Variants in COL5A1 observed in about 807,000 individuals in gnomAD.
COL5A1 encodes the protein collagen alpha-1(V) chain.
Under a neutral mutation model 263.7 loss-of-function variants are expected in COL5A1, and 16 were observed. That is an observed-to-expected ratio of 0.06 (90% CI 0.04 to 0.09). The LOEUF (loss-of-function observed/expected upper bound fraction) is 0.09, where lower values mean the gene tolerates loss of function less well. Among genes scored for constraint, COL5A1 ranks in the 10% least tolerant of loss-of-function variants. The pLI is 1.00. For synonymous variants in COL5A1, 1,012 were observed against 1,004.5 expected (o/e 1.01, Z -0.14); for missense variants, 2,036 against 2,540.5 (o/e 0.80, Z 4.27).
chr9:134,764,211 G>T (rs1366900287), intron 20 of COL5A1, among the ~76,000 whole-genome samples: 1 of 139,286 alleles, frequency 7.2e-6, no homozygotes, highest in Non-Finnish European at 1.6e-5. Flanking sequence ...TGAGAGCATT[G>T]TAGGGGGTCT....
chr9:134,703,856 G>T (rs540724710), intron 4 of COL5A1, among the ~76,000 whole-genome samples: 98 of 151,982 alleles, frequency 6.4e-4, no homozygotes, highest in Admixed American at 1.4e-3. Context: ...AGCCAGGATG[G>T]TCTCGATCTC....
rs1830097792 is a variant in COL5A1, at chr9:134,841,319, G to C, written c.5371-838G>C. Among the ~76,000 whole-genome samples, 2 of 152,192 alleles carry C rather than the reference G, an allele frequency of 1.3e-5. No individual in the cohort carries two copies. Among genetic ancestry groups the C allele is most frequent in the Non-Finnish European group, 2.9e-5 (2 of 68,032 alleles). On this transcript the variant is annotated intron_variant, in intron 65 of 65. Transcript: ENST00000371817. This position sits in a 1 kb window ranked among gnomAD's most constrained non-coding sequence, Gnocchi z 4.8. Reference sequence around the variant, plus strand: ...TTGACGGGACAGCAGGGCCAGCTCAGCCTCAGTTATAAAGAACACTGGGAG... The same window carrying C: ...TTGACGGGACAGCAGGGCCAGCTCACCCTCAGTTATAAAGAACACTGGGAG...
At chr9:134,732,415 A>G (rs1834923426) in intron 9 of COL5A1, 1 of 567,600 alleles carries the variant, frequency 1.8e-6, no homozygotes, top group South Asian at 2.0e-5. Flanking sequence ...GGTCAGTTTC[A>G]CCTGGGATGA....
rs75290493 is a variant in COL5A1 at position 134,742,403 on chromosome 9, G to A, written c.1494+3595G>A. Among the ~76,000 whole-genome samples, 4,812 of 152,220 alleles carry A rather than the reference G, an allele frequency of 0.032. 112 individuals carry two copies. The highest frequency in any genetic ancestry group is 0.048 in the Non-Finnish European group (3,232 of 68,018). Reference sequence around the variant, plus strand: ...AGAGCTGGGAATCCCGAGATGGGAGGTCTGGAGCGGCTGTGTCCGGGTGGA... The same window carrying A: ...AGAGCTGGGAATCCCGAGATGGGAGATCTGGAGCGGCTGTGTCCGGGTGGA... On this transcript the variant is annotated intron_variant, in intron 11 of 65. Coordinates refer to ENST00000371817, the MANE Select transcript of COL5A1 (RefSeq NM_000093.5). The surrounding 1 kb of genome is among the most constrained non-coding windows in gnomAD (Gnocchi z 4.6).
At chr9:134,809,441 G>A in intron 43 of COL5A1, 151 bp downstream of exon 43, 1 of 711,050 alleles carries the variant, frequency 1.4e-6, no homozygotes, top group East Asian at 2.7e-5. Flanking sequence ...TGGCATTAGG[G>A]GATGATTTCA....
At chr9:134,834,042 G>T (rs530098728) in intron 64 of COL5A1, among the ~76,000 whole-genome samples, 34 of 152,292 alleles carry the variant, frequency 2.2e-4, no homozygotes, top group South Asian at 6.2e-4. Flanking sequence ...AGTGTCCCAG[G>T]CCGAGGGAGG....
rs943808454 is a variant in COL5A1 at position 134,750,539 on chromosome 9, C to T, written c.1495-3C>T. On this transcript the variant is annotated splice_polypyrimidine_tract_variant and splice_region_variant and intron_variant, in intron 11 of 65. Coordinates refer to ENST00000371817, the MANE Select transcript of COL5A1 (RefSeq NM_000093.5). ...CTTGTCTCTCTTGGCCCCTTGTCTT[C>T]AGGGCCCCCCTGGACGCCCAGGCCT... 11 of 1,613,468 alleles carry T rather than the reference C, an allele frequency of 6.8e-6. No individual in the cohort carries two copies. The highest frequency in any genetic ancestry group is 9.3e-6 in the Non-Finnish European group (11 of 1,179,926).
At chr9:134,689,603 C>A (rs1472628157) in intron 1 of COL5A1, among the ~76,000 whole-genome samples, 2 of 152,210 alleles carry the variant, frequency 1.3e-5, no homozygotes, top group Non-Finnish European at 2.9e-5. Flanking sequence ...GGTTCCTGTT[C>A]TGTGTTTGGA....
chr9:134,648,525 C>A (rs183014144), intron 1 of COL5A1, among the ~76,000 whole-genome samples: 44 of 152,110 alleles, frequency 2.9e-4, no homozygotes, highest in African/African-American at 9.9e-4. Flanking sequence ...ATTTTCCCAC[C>A]CTGTGCCTCA....
intron 21 of COL5A1, 95 bp from the exon 22 acceptor site, chr9:134,766,358 TG>T: frequency 8.3e-7 from 1 of 1,210,088 alleles, no homozygotes; most frequent in Non-Finnish European, 1.2e-6. Context: ...CGTCGTGGGA[TG>T]GGCGTCTGAG....
intron 1 of COL5A1, among the ~76,000 whole-genome samples, chr9:134,651,093 TC>T (rs2132472450): frequency 6.6e-6 from 1 of 152,332 alleles, no homozygotes; most frequent in East Asian, 1.9e-4. Flanking sequence ...GGCAGCTGGG[TC>T]CCAGTGCTTC....
At position 134,825,866 on chromosome 9, in the gene COL5A1, G is replaced by T; in HGVS notation, c.5029G>T (p.Gly1677Trp). ...FKVYCNFTAG[G>W]STCVFPDKKS... is the part of the protein sequence containing the mutation. Reference sequence around the variant, plus strand: ...GGTTTACTGCAACTTCACAGCCGGGGGGTCGACATGCGTCTTCCCTGACAA... The same window carrying T: ...GGTTTACTGCAACTTCACAGCCGGGTGGTCGACATGCGTCTTCCCTGACAA... Residue 1677 changes from glycine to tryptophan, a missense_variant, in exon 63 of 66, where the codon GGG becomes TGG. Physicochemically the swap from Gly to Trp is radical, Grantham distance 184 (BLOSUM62 -2). Around this residue, in one of 3 missense-constraint regions of COL5A1, gnomAD observed 358 missense variants for 384.6 expected, o/e 0.93. Coordinates refer to ENST00000371817, the MANE Select transcript of COL5A1 (RefSeq NM_000093.5). 6.2e-7 allele frequency: 1 copy of T among 1,613,296 alleles called. No individual in the cohort carries two copies.
rs1835899046 is a variant in COL5A1, at chr9:134,754,368, G to T, written c.1827+42G>T. 1 of 1,612,508 alleles carries T rather than the reference G, an allele frequency of 6.2e-7. No individual in the cohort carries two copies. Among genetic ancestry groups the T allele is most frequent in the African/African-American group, 1.3e-5 (1 of 74,918 alleles). On this transcript the variant is annotated intron_variant, in intron 16 of 65. Coordinates refer to ENST00000371817, the MANE Select transcript of COL5A1 (RefSeq NM_000093.5). The surrounding 1 kb of genome is among the most constrained non-coding windows in gnomAD (Gnocchi z 4.3). ...TGTGTGGTTTAGTGACAGCAGCTTG[G>T]GCGCTGGAGGAGCCCAAATCTGGGG...
chr9:134,667,850 C>A (rs1181008127), intron 1 of COL5A1, among the ~76,000 whole-genome samples: 2 of 152,206 alleles, frequency 1.3e-5, no homozygotes, highest in African/African-American at 2.4e-5. Flanking sequence ...AAATCCCTCA[C>A]TTCCTAGGGC....
At chr9:134,728,621 C>A in intron 5 of COL5A1, 49 bp from the exon 6 acceptor site, 3 of 1,612,310 alleles carry the variant, frequency 1.9e-6, no homozygotes, top group South Asian at 2.2e-5. Context: ...GCAGGCTGGT[C>A]GCTCTGCGGG....
chr9:134,815,627 G>A lies in COL5A1; in HGVS notation c.4066G>A (p.Ala1356Thr), dbSNP rs147868179. The change falls in exon 51 of 66, where the codon GCG becomes ACG. Residue 1356 changes from alanine to threonine, a missense_variant and splice_region_variant. Physicochemically the swap from Ala to Thr is moderately conservative, Grantham distance 58 (BLOSUM62 0). This residue lies in a region of COL5A1 where 1,078 missense variants were observed against 1,521.4 expected (regional missense o/e 0.71). Coordinates refer to ENST00000371817, the MANE Select transcript of COL5A1 (RefSeq NM_000093.5). ...TGGCCCCCCCGGAGAGCCTGGCCCC[G>A]CGGTAGGTGCTCAAGAGGGCAAAGC... The part of the protein sequence containing the change: ...DPGPPGEPGP[A>T]GQDGPPGDKG... The A allele has an allele frequency of 1.5e-4, 247 of 1,613,544 alleles. No homozygotes were observed. The African/African-American group carries it at 2.3e-3, about 15-fold the overall frequency.
At chr9:134,839,392 G>A (rs1839950553) in intron 65 of COL5A1, among the ~76,000 whole-genome samples, 2 of 152,162 alleles carry the variant, frequency 1.3e-5, no homozygotes, top group African/African-American at 4.8e-5. Flanking sequence ...GGAGCAGAGG[G>A]GTCCCATAAA....
At chr9:134,709,497 G>A (rs905969052) in intron 4 of COL5A1, among the ~76,000 whole-genome samples, 2 of 152,218 alleles carry the variant, frequency 1.3e-5, no homozygotes, top group Admixed American at 6.5e-5. Context: ...GAGCGAGTGA[G>A]GCCTGGACTC....
chr9:134,673,020 G>C (rs1322076102), intron 1 of COL5A1, among the ~76,000 whole-genome samples: 1 of 152,134 alleles, frequency 6.6e-6, no homozygotes, highest in East Asian at 1.9e-4. Context: ...AAGATCTTAA[G>C]ATTTAAATGC....
Sources: gnomAD v4.1 joint callset for allele counts (sites outside exome capture counted in the v4.1 genomes callset) on GRCh38, gnomAD v4.1.1 for gene constraint, gnomAD v4.1.1 regional missense constraint, Gnocchi (gnomAD v3.1) non-coding constraint, MANE v1.5 for transcripts, NCBI Gene and HGNC (gene_info 2026-07-23, HGNC 2026-07-21) for gene names.